C1orf141: variants seen among roughly 807,000 people sequenced by gnomAD.
C1orf141 encodes chromosome 1 open reading frame 141, also known as uncharacterized protein C1orf141.
A neutral mutation model predicts 23.2 loss-of-function variants in C1orf141; 19 were observed. The observed-to-expected ratio is 0.82, with a 90% confidence interval of 0.57 to 1.20. The LOEUF is 1.20. Ranked by LOEUF, C1orf141 falls within the 50% of genes most tolerant of loss-of-function variation. The pLI is 0.00. For synonymous variants in C1orf141, 153 were observed against 154.6 expected, an observed-to-expected ratio of 0.99 and a Z score of 0.08; for missense variants, 469 against 455.1, an observed-to-expected ratio of 1.03 and a Z score of -0.28.
At chr1:67,138,952 G>C (rs1226409873), upstream of C1orf141, 2 of 152,354 alleles carry the variant, frequency 1.3e-5, no homozygotes, top group African/African-American at 4.8e-5. Context: ...CCGGGACTTT[G>C]AGCCTTCAGG....
intron 5 of C1orf141, among the ~76,000 whole-genome samples, chr1:67,105,063 G>A (rs988955136): frequency 2.2e-4 from 33 of 151,918 alleles, no homozygotes; most frequent in South Asian, 1.0e-3. Flanking sequence ...ACGGTGGCTC[G>A]TGCCTGTAAT....
intron 5 of C1orf141, among the ~76,000 whole-genome samples, chr1:67,106,962 A>G (rs940759780): frequency 6.6e-6 from 1 of 152,226 alleles, no homozygotes; most frequent in African/African-American, 2.4e-5. Flanking sequence ...GACATGTTTA[A>G]TAAGAGCCTC....
chr1:67,108,942 CATGG>C (rs1213766539), intron 5 of C1orf141, among the ~76,000 whole-genome samples: 5 of 152,016 alleles, frequency 3.3e-5, no homozygotes, highest in Non-Finnish European at 4.4e-5. Context: ...TAGACCTTGG[CATGG>C]ATGTGGTAAA....
chr1:67,124,558 A>G (rs1326837735), intron 4 of C1orf141, among the ~76,000 whole-genome samples: 1 of 152,140 alleles, frequency 6.6e-6, no homozygotes, highest in Non-Finnish European at 1.5e-5. Context: ...ACCTCAGGCA[A>G]TTCGCCCACC....
In C1orf141 at chr1:67,115,352, C is replaced by A. The variant is rs1216585715; in HGVS notation, c.346G>T (p.Ala116Ser). The A allele has an allele frequency of 9.5e-7, 1 of 1,051,214 alleles. No individual in the cohort carries two copies. The highest frequency in any genetic ancestry group is 1.5e-6 in the Non-Finnish European group (1 of 687,370). The allele number at this position is 1,051,214 out of a possible 1,614,324, so 65.1% of individuals were successfully genotyped here. A position where few individuals can be genotyped will look rare whatever the true frequency, so the allele number is the denominator to read the frequency against. Residue 116 changes from alanine (A) to serine (S), a missense_variant and splice_region_variant, in exon 5 of 8, where the codon GCT becomes TCT. Around this residue, in one of 3 missense-constraint regions of C1orf141, gnomAD observed 370 missense variants for 348.1 expected, o/e 1.06. Transcript: ENST00000684719. ...GTAAATATGTTACACAAAGCATTAC[C>A]TGTTGACTCACTTTCTTTATTTTTT... is the stretch of plus-strand genomic sequence containing the variant. Reference protein sequence around the residue: ...NVKNKESESTAQIEKKPRKPL... With the variant: ...NVKNKESESTSQIEKKPRKPL...
chr1:67,129,580 G>A (rs554931246), intron 2 of C1orf141, among the ~76,000 whole-genome samples: 37 of 152,282 alleles, frequency 2.4e-4, no homozygotes, highest in Middle Eastern at 3.4e-3. Flanking sequence ...ATCCAGGATT[G>A]TGAAAGCTGA....
chr1:67,124,365 T>G (rs952735350), intron 4 of C1orf141, among the ~76,000 whole-genome samples: 1 of 152,152 alleles, frequency 6.6e-6, no homozygotes, highest in Non-Finnish European at 1.5e-5. Flanking sequence ...CAGGCTGGAG[T>G]GCAGTGGCAT....
At chr1:67,094,230 T>C (rs868720108) in intron 7 of C1orf141, 26 of 152,244 alleles carry the variant, frequency 1.7e-4, no homozygotes, top group African/African-American at 6.0e-4. Context: ...AAGTCTGCTA[T>C]GATTACTGAA....
At chr1:67,113,982 T>G (rs918044435) in intron 5 of C1orf141, among the ~76,000 whole-genome samples, 1 of 152,188 alleles carries the variant, frequency 6.6e-6, no homozygotes, top group Non-Finnish European at 1.5e-5. Context: ...CCAAGCCACT[T>G]TTTCCCTGAG....
At chr1:67,105,325 C>CA (rs3052331) in intron 5 of C1orf141, among the ~76,000 whole-genome samples, 99 of 92,242 alleles carry the variant, frequency 1.1e-3, no homozygotes, top group East Asian at 1.9e-3. Context: ...GACTATTTCT[C>CA]AAAAAAAAAA....
chr1:67,114,266 C>T (rs939888129), intron 5 of C1orf141, among the ~76,000 whole-genome samples: 1 of 143,812 alleles, frequency 7.0e-6, no homozygotes, highest in Middle Eastern at 3.4e-3. Context: ...CAAGTACTGC[C>T]TCCATATACC....
chr1:67,095,122 A>G (rs1322817066), intron 7 of C1orf141, 113 bp downstream of exon 7: 3 of 622,834 alleles, frequency 4.8e-6, no homozygotes, highest in Non-Finnish European at 8.0e-6. Context: ...GGAATATGAA[A>G]CCAAGAGGTA....
At chr1:67,095,651 T>G in intron 6 of C1orf141, 1 of 379,880 alleles carries the variant, frequency 2.6e-6, no homozygotes, top group Non-Finnish European at 4.7e-6. Flanking sequence ...GGATTTTGAG[T>G]GGGGACGAGT....
intron 4 of C1orf141, chr1:67,123,698 C>T (rs1329490989): frequency 2.0e-5 from 3 of 152,114 alleles, no homozygotes; most frequent in African/African-American, 4.8e-5. Context: ...TATTCTACTC[C>T]TAAGCTTCCC....
upstream of C1orf141, among the ~76,000 whole-genome samples, chr1:67,137,442 A>C (rs1269906737): frequency 3.3e-5 from 5 of 152,182 alleles, no homozygotes; most frequent in Admixed American, 3.3e-4. Context: ...AAGCTCACCC[A>C]ATCATTGTGT....
intron 2 of C1orf141, among the ~76,000 whole-genome samples, chr1:67,128,798 A>G (rs1646466791): frequency 6.6e-6 from 1 of 152,158 alleles, no homozygotes; most frequent in African/African-American, 2.4e-5. Context: ...TGTAAAAGTG[A>G]TATCGTTCAC....
chr1:67,125,615 C>G (rs2102492095), intron 4 of C1orf141, 137 bp downstream of exon 4: 1 of 834,444 alleles, frequency 1.2e-6, no homozygotes, highest in East Asian at 2.5e-5. Flanking sequence ...GGGAGAATCA[C>G]CTAAACCTGG....
At chr1:67,138,574 A>T (rs538299440), upstream of C1orf141, among the ~76,000 whole-genome samples, 1 of 151,846 alleles carries the variant, frequency 6.6e-6, no homozygotes, top group Non-Finnish European at 1.5e-5. Flanking sequence ...TAGGCTTGAC[A>T]TTCCCTTCCA....
chr1:67,106,987 G>T (rs541885753), intron 5 of C1orf141, among the ~76,000 whole-genome samples: 2 of 152,274 alleles, frequency 1.3e-5, no homozygotes, highest in Admixed American at 1.3e-4. Flanking sequence ...GGAGACTCTT[G>T]TCCCCTTTAC....
Sources: gnomAD v4.1 joint callset for allele counts (sites outside exome capture counted in the v4.1 genomes callset) on GRCh38, gnomAD v4.1.1 for gene constraint, gnomAD v4.1.1 regional missense constraint, MANE v1.5 for transcripts, NCBI Gene and HGNC (gene_info 2026-07-23, HGNC 2026-07-21) for gene names.